Variants in HAVCR1 observed in about 807,000 individuals in gnomAD.
HAVCR1 encodes the protein hepatitis A virus cellular receptor 1.
HAVCR1 carries 34 observed loss-of-function variants against 32.0 expected under a neutral mutation model. The observed-to-expected ratio is 1.06, with a 90% CI of 0.81 to 1.42. The LOEUF is 1.42. Ranked by LOEUF, HAVCR1 falls within the 40% of genes most tolerant of loss-of-function variation. The probability of loss-of-function intolerance (pLI) is 0.00; values close to 1 mark genes in which losing one functional copy is unlikely to be tolerated. For missense variants in HAVCR1, 420 were observed against 442.3 expected, an observed-to-expected ratio of 0.95 and a Z score of 0.45; for synonymous variants, 178 against 170.3, an observed-to-expected ratio of 1.05 and a Z score of -0.35.
At chr5:157,056,834 T>A (rs934914962) in intron 2 of HAVCR1, among the ~76,000 whole-genome samples, 4 of 152,222 alleles carry the variant, frequency 2.6e-5, no homozygotes, top group African/African-American at 7.2e-5. Flanking sequence ...CAGAAATTTG[T>A]GTTTAAAAAT....
the HAVCR1 span, among the ~76,000 whole-genome samples, chr5:157,066,555 G>GT: frequency 0.62 from 88,887 of 143,582 alleles, 27,707 homozygotes; most frequent in East Asian, 0.85. Flanking sequence ...AATCCTGGGT[G>GT]TTTTTTTTTT....
At chr5:157,041,665 GT>G (rs1368199612) in intron 6 of HAVCR1, among the ~76,000 whole-genome samples, 1 of 152,146 alleles carries the variant, frequency 6.6e-6, no homozygotes, top group African/African-American at 2.4e-5. Context: ...TTTTACTTTT[GT>G]TTGGGGCAGC....
chr5:157,048,316 GTTGAT>G (rs1755528967), intron 5 of HAVCR1, among the ~76,000 whole-genome samples: 1 of 152,174 alleles, frequency 6.6e-6, no homozygotes, highest in South Asian at 2.1e-4. Flanking sequence ...TTCAAGACTG[GTTGAT>G]TTGATTTCTA....
chr5:157,061,315 CAA>C (rs758713152), upstream of HAVCR1, among the ~76,000 whole-genome samples: 164 of 151,976 alleles, frequency 1.1e-3, 2 homozygotes, highest in Admixed American at 2.0e-3. Flanking sequence ...ACAGAGCTTT[CAA>C]AAAAATAAAT....
At chr5:157,031,445 G>A (rs1754166245) in intron 8 of HAVCR1, among the ~76,000 whole-genome samples, 1 of 152,238 alleles carries the variant, frequency 6.6e-6, no homozygotes, top group Admixed American at 6.5e-5. Flanking sequence ...CAGGCTGGCT[G>A]GCTTTAGAAC....
Position 157,029,494 on chromosome 5 carries a change from A to G in HAVCR1, c.*239T>C, listed in dbSNP as rs1163125308. Reference sequence around the variant, plus strand: ...TGTTCATATTTGAGAGAAAACTGCAATGATCAGAAGGATTGAGCCAGTTTT... The same window carrying G: ...TGTTCATATTTGAGAGAAAACTGCAGTGATCAGAAGGATTGAGCCAGTTTT... On this transcript the variant is annotated 3_prime_UTR_variant, in exon 9 of 9. Transcript: ENST00000523175. 3.4e-6 allele frequency: 3 copies of G among 880,708 alleles called. No individual in the cohort carries two copies. The highest frequency in any genetic ancestry group is 5.3e-6 in the Non-Finnish European group (3 of 570,488). The allele number at this position is 880,708 out of a possible 1,614,324, so 54.6% of individuals were successfully genotyped here. A position where few individuals can be genotyped will look rare whatever the true frequency, so the allele number is the denominator to read the frequency against.
intron 5 of HAVCR1, among the ~76,000 whole-genome samples, chr5:157,048,536 C>T (rs924707562): frequency 2.0e-5 from 3 of 152,116 alleles, no homozygotes; most frequent in Non-Finnish European, 4.4e-5. Flanking sequence ...ATCCTTTTTA[C>T]AAATGACAAA....
At chr5:157,057,385 AG>A (rs1468064939) in intron 2 of HAVCR1, among the ~76,000 whole-genome samples, 10 of 117,154 alleles carry the variant, frequency 8.5e-5, no homozygotes, top group African/African-American at 3.1e-4. Context: ...AGAGAGAGAG[AG>A]GAAAGAAAGA....
intron 4 of HAVCR1, among the ~76,000 whole-genome samples, 155 bp from the exon 5 acceptor site, chr5:157,049,300 C>T (rs1234554974): frequency 9.9e-5 from 15 of 152,240 alleles, no homozygotes; most frequent in Non-Finnish European, 2.1e-4. Context: ...CTTCTACCGA[C>T]CCACTTCTGA....
At chr5:157,063,103 C>A (rs1756522673), upstream of HAVCR1, among the ~76,000 whole-genome samples, 1 of 139,806 alleles carries the variant, frequency 7.2e-6, no homozygotes, top group African/African-American at 2.7e-5. Context: ...GCCTGGGTGA[C>A]AGAGCGAGAT....
At chr5:157,060,261 C>G (rs370123603), upstream of HAVCR1, among the ~76,000 whole-genome samples, 47 of 151,976 alleles carry the variant, frequency 3.1e-4, no homozygotes, top group South Asian at 5.8e-3. Context: ...AATCTTTACT[C>G]AAATTACTGA....
At chr5:157,065,723 C>A in the HAVCR1 span, among the ~76,000 whole-genome samples, 1 of 151,958 alleles carries the variant, frequency 6.6e-6, no homozygotes, top group Non-Finnish European at 1.5e-5. Context: ...GGTGTGATGG[C>A]GCATGCCTGT....
chr5:157,030,790 C>G (rs1027216869), intron 8 of HAVCR1, among the ~76,000 whole-genome samples: 2 of 152,180 alleles, frequency 1.3e-5, no homozygotes, highest in Non-Finnish European at 2.9e-5. Context: ...AGCCTGCCCC[C>G]AAAATATGGA....
rs1424491016 is a variant in HAVCR1 at position 157,052,674 on chromosome 5, TGA to T, written c.380-22_380-21del. 2 of 1,606,064 alleles carry T rather than the reference TGA, an allele frequency of 1.2e-6. No individual in the cohort carries two copies. Among genetic ancestry groups the T allele is most frequent in the Non-Finnish European group, 1.7e-6 (2 of 1,173,482 alleles). ...CCTTGGCTGGAGTCAGAAATCAACA[TGA>T]GAGTGAGCATAAGTCAAACAAGAAA... On this transcript the variant is annotated intron_variant, in intron 3 of 8. Transcript: ENST00000523175.
chr5:157,065,128 G>A, the HAVCR1 span, among the ~76,000 whole-genome samples: 1 of 152,048 alleles, frequency 6.6e-6, no homozygotes, highest in Non-Finnish European at 1.5e-5. Context: ...GACTGTGCTG[G>A]GTAACACGAT....
At chr5:157,052,040 T>C (rs985618636) in intron 4 of HAVCR1, among the ~76,000 whole-genome samples, 1 of 152,242 alleles carries the variant, frequency 6.6e-6, no homozygotes, top group African/African-American at 2.4e-5. Context: ...GTTTTCATCA[T>C]AAAGCCATAC....
the HAVCR1 span, among the ~76,000 whole-genome samples, chr5:157,065,356 A>G: frequency 6.6e-5 from 10 of 152,278 alleles, no homozygotes; most frequent in Non-Finnish European, 1.3e-4. Context: ...TGAGGTAGGA[A>G]TTCAAAGGAT....
rs952477831 is a variant in HAVCR1, at chr5:157,057,458, A to T, written c.46+440T>A. 2.2e-5 allele frequency among the ~76,000 whole-genome samples: 3 copies of T among 135,558 alleles called. No individual in the cohort carries two copies. In the Admixed American group the frequency reaches 2.2e-4, roughly 10 times the overall value. The allele number at this position is 135,558 out of a possible 152,430, so 88.9% of individuals were successfully genotyped here. On this transcript the variant is annotated intron_variant, in intron 2 of 8. Coordinates refer to ENST00000523175, the MANE Select transcript of HAVCR1 (RefSeq NM_001173393.3). ...AAGAAAGAAAGAAAGAAAGAAAGAA[A>T]GAAAGAGAATTGAATGTGGCTGAAA...
At chr5:157,032,107 C>T (rs1445980161) in intron 8 of HAVCR1, among the ~76,000 whole-genome samples, 1 of 147,416 alleles carries the variant, frequency 6.8e-6, no homozygotes, top group Non-Finnish European at 1.5e-5. Context: ...TGTAAAAGAA[C>T]CATGCTTATT....
Sources: allele counts gnomAD v4.1 joint callset (sites outside exome capture counted in the v4.1 genomes callset), GRCh38; gene constraint gnomAD v4.1.1; transcripts MANE v1.5; gene names NCBI Gene and HGNC (gene_info 2026-07-23, HGNC 2026-07-21).